Variants in ZNF423 observed in about 807,000 individuals in gnomAD.
The protein encoded by ZNF423 is Ebf-associated zinc finger protein.
ZNF423 carries 12 observed loss-of-function variants against 95.8 expected under a neutral mutation model. That is an observed-to-expected ratio of 0.13 (90% CI 0.08 to 0.20). The LOEUF (loss-of-function observed/expected upper bound fraction) is 0.20, where lower values mean the gene tolerates loss of function less well. Among genes scored for constraint, ZNF423 ranks in the 10% least tolerant of loss-of-function variants. The pLI is 1.00. For synonymous variants in ZNF423, 749 were observed against 711.9 expected (o/e 1.05, Z -0.83); for missense variants, 1,316 against 1,737.1 (o/e 0.76, Z 4.31).
In ZNF423 at chr16:49,688,432, C is replaced by T. The variant is rs368597060; in HGVS notation, c.301+42339G>A. On this transcript the variant is annotated intron_variant, in intron 3 of 7. Transcript: ENST00000563137. The stretch of plus-strand genomic sequence containing the variant: ...GCCCTCTTGCTCCATAGAGGGAAGC[C>T]GCTGGAGGTTTGGGCCAGGGAGGCC... 2.1e-4 allele frequency among the ~76,000 whole-genome samples: 32 copies of T among 152,286 alleles called. No individual in the cohort carries two copies. In the East Asian group the frequency reaches 5.4e-3, roughly 26 times the overall value.
At position 49,844,446 on chromosome 16, in the gene ZNF423, C is replaced by T. The variant is rs59398578; in HGVS notation, c.40+11289G>A. Among the ~76,000 whole-genome samples the T allele has an allele frequency of 7.5e-3, 1,147 of 152,244 alleles. 10 individuals are homozygous for T. Among genetic ancestry groups the T allele is most frequent in the African/African-American group, 0.026 (1,094 of 41,526 alleles). On this transcript the variant is annotated intron_variant, in intron 1 of 7. Transcript: ENST00000563137. ...ATGTACCCTGAGTATGAAGGAGAAC[C>T]GGCATCAGCCTCTCCCAGCCGGGTG...
chr16:49,665,418 G>T (rs939781843), intron 3 of ZNF423, among the ~76,000 whole-genome samples: 2 of 152,206 alleles, frequency 1.3e-5, no homozygotes, highest in Non-Finnish European at 1.5e-5. Context: ...TAGGAGAAGT[G>T]TGTGGGGCCT....
At chr16:49,848,515 G>T (rs368144920) in intron 1 of ZNF423, among the ~76,000 whole-genome samples, 2 of 128,738 alleles carry the variant, frequency 1.6e-5, no homozygotes, top group African/African-American at 5.7e-5. Context: ...CCAGGCCTCT[G>T]TCTCTCTCCC....
chr16:49,551,199 A>G (rs1969621834), intron 5 of ZNF423, among the ~76,000 whole-genome samples: 1 of 152,232 alleles, frequency 6.6e-6, no homozygotes. Flanking sequence ...CGTGTTGACA[A>G]AATGTTTTTG....
At position 49,782,530 on chromosome 16, in the gene ZNF423, C is replaced by T. The variant is rs114646819; in HGVS notation, c.100+6957G>A. On this transcript the variant is annotated intron_variant, in intron 2 of 7. Coordinates refer to ENST00000563137, the MANE Select transcript of ZNF423 (RefSeq NM_001379286.1). ...AAGGTCTCAGGCTGCGGGTCCATCA[C>T]GGTCAACTGATAATACTGAGTGTTC... 4.2e-3 allele frequency among the ~76,000 whole-genome samples: 640 copies of T among 152,378 alleles called. 8 individuals are homozygous for T. Among genetic ancestry groups the T allele is most frequent in the African/African-American group, 0.015 (617 of 41,582 alleles).
rs1331666709 is a variant in ZNF423 at position 49,505,482 on chromosome 16, C to T, written c.3850-14178G>A. 4.6e-5 allele frequency among the ~76,000 whole-genome samples: 7 copies of T among 152,316 alleles called. No individual in the cohort carries two copies. The East Asian group carries it at 9.6e-4, about 21-fold the overall frequency. On this transcript the variant is annotated intron_variant, in intron 7 of 7. Coordinates refer to ENST00000563137, the MANE Select transcript of ZNF423 (RefSeq NM_001379286.1). ...ATTCTGAGGGGGCCTCCTCAGAAAA[C>T]ATGGCCCATCAACCCCCAAGAATGG... is the stretch of plus-strand genomic sequence containing the variant.
intron 2 of ZNF423, among the ~76,000 whole-genome samples, chr16:49,762,949 C>A (rs2033858670): frequency 1.3e-5 from 2 of 152,336 alleles, no homozygotes; most frequent in East Asian, 3.9e-4. Flanking sequence ...CTCACTGCAG[C>A]CTCGGACTCC....
intron 2 of ZNF423, among the ~76,000 whole-genome samples, chr16:49,742,931 G>T (rs9938225): frequency 1.3e-5 from 2 of 151,940 alleles, no homozygotes; most frequent in Non-Finnish European, 2.9e-5. Flanking sequence ...TGAATGGAGA[G>T]CCCAGAGCCC....
chr16:49,559,600 A>C (rs1969951960), intron 5 of ZNF423, among the ~76,000 whole-genome samples: 1 of 152,228 alleles, frequency 6.6e-6, no homozygotes, highest in African/African-American at 2.4e-5. Flanking sequence ...ATCCTTGTCA[A>C]GGAAGAAGAG....
At chr16:49,563,094 C>T (rs888496258) in intron 5 of ZNF423, among the ~76,000 whole-genome samples, 1 of 152,138 alleles carries the variant, frequency 6.6e-6, no homozygotes, top group Non-Finnish European at 1.5e-5. Context: ...GCCAGCTGTA[C>T]GCATTTTACA....
At chr16:49,519,465 T>A (rs1968295476) in intron 7 of ZNF423, among the ~76,000 whole-genome samples, 1 of 152,212 alleles carries the variant, frequency 6.6e-6, no homozygotes, top group Admixed American at 6.5e-5. Context: ...TTCATTTATG[T>A]GGGTGGCATC....
Position 49,738,347 on chromosome 16 carries a change from G to T in ZNF423, c.101-7376C>A, listed in dbSNP as rs557029613. ...TAGTAAGGGGCCGGCATCCAGGGCT[G>T]GGGCTGGTCGGGGACCCAGATTCCG... On this transcript the variant is annotated intron_variant, in intron 2 of 7. Coordinates refer to ENST00000563137, the MANE Select transcript of ZNF423 (RefSeq NM_001379286.1). 2.0e-5 allele frequency among the ~76,000 whole-genome samples: 3 copies of T among 152,312 alleles called. No homozygotes were observed. In the South Asian group the frequency reaches 6.2e-4, roughly 32 times the overall value.
rs1414619286 is a variant in ZNF423 at position 49,635,688 on chromosome 16, T to C, written c.3488A>G (p.Lys1163Arg). Residue 1163 changes from lysine (K) to arginine (R), a missense_variant, in exon 4 of 8, where the codon AAA (lysine) becomes AGA (arginine). By Grantham distance (26) the Lys-to-Arg change is conservative. Transcript: ENST00000563137. This position sits in a 1 kb window ranked among gnomAD's most constrained non-coding sequence, Gnocchi z 4.8. ...DLTPETSGPR[K>R]GTQTSPVPRK... The stretch of plus-strand genomic sequence containing the variant: ...GGGCACTGGCGATGTCTGGGTGCCT[T>C]TCCGGGGCCCACTGGTCTCCGGCGT... 1.3e-6 allele frequency: 2 copies of C among 1,589,400 alleles called. No homozygotes were observed. Among genetic ancestry groups the C allele is most frequent in the Non-Finnish European group, 1.7e-6 (2 of 1,169,992 alleles).
chr16:49,515,919 C>A (rs574682949), intron 7 of ZNF423, among the ~76,000 whole-genome samples: 1 of 152,276 alleles, frequency 6.6e-6, no homozygotes, highest in South Asian at 2.1e-4. Context: ...GGTGGCTAAC[C>A]GCTGGCATGG....
chr16:49,629,171 G>A, intron 4 of ZNF423, among the ~76,000 whole-genome samples: 1 of 152,072 alleles, frequency 6.6e-6, no homozygotes, highest in East Asian at 1.9e-4. Flanking sequence ...ATGAGCTCTT[G>A]CATGGTGCAC....
At chr16:49,639,735 A>T (rs922935726) in intron 3 of ZNF423, among the ~76,000 whole-genome samples, 3 of 152,188 alleles carry the variant, frequency 2.0e-5, no homozygotes, top group Non-Finnish European at 4.4e-5. Context: ...ACCCCACTGC[A>T]AAGGCAAGGA....
intron 3 of ZNF423, among the ~76,000 whole-genome samples, chr16:49,709,398 C>T (rs554521290): frequency 5.3e-4 from 81 of 151,960 alleles, no homozygotes; most frequent in Non-Finnish European, 1.3e-4. Flanking sequence ...TCTTAGTGCC[C>T]GAGAGGCTGC....
chr16:49,838,546 C>T (rs987497911), intron 1 of ZNF423, among the ~76,000 whole-genome samples: 14 of 152,150 alleles, frequency 9.2e-5, no homozygotes, highest in Admixed American at 2.0e-4. Context: ...AAGCGGAGGC[C>T]CGATCGGGGT....
intron 2 of ZNF423, among the ~76,000 whole-genome samples, chr16:49,750,844 A>G (rs918351450): frequency 2.6e-5 from 4 of 152,218 alleles, no homozygotes; most frequent in African/African-American, 7.2e-5. Flanking sequence ...CTGAGGAAGC[A>G]GCGTGAGCCA....
Sources: allele counts gnomAD v4.1 joint callset (sites outside exome capture counted in the v4.1 genomes callset), GRCh38; gene constraint gnomAD v4.1.1; non-coding constraint Gnocchi (gnomAD v3.1); transcripts MANE v1.5; gene names NCBI Gene and HGNC (gene_info 2026-07-23, HGNC 2026-07-21).